The following ADK variants were observed in gnomAD, a reference collection of about 807,000 sequenced individuals.
ADK encodes N6,N6-dimethyladenosine kinase.
Under a neutral mutation model 44.7 loss-of-function variants are expected in ADK, and 24 were observed. The observed-to-expected ratio is 0.54, with a 90% CI of 0.39 to 0.76. The LOEUF (loss-of-function observed/expected upper bound fraction) is 0.76, where lower values mean the gene tolerates loss of function less well. Among genes scored for constraint, ADK ranks in the 30% least tolerant of loss-of-function variants. The probability of loss-of-function intolerance (pLI) is 0.00; values close to 1 mark genes in which losing one functional copy is unlikely to be tolerated. For missense variants in ADK, 321 were observed against 425.1 expected, an observed-to-expected ratio of 0.76 and a Z score of 2.15; for synonymous variants, 128 against 142.6, an observed-to-expected ratio of 0.90 and a Z score of 0.73.
At chr10:74,371,911 AC>A in intron 4 of ADK, 3 of 1,458,560 alleles carry the variant, frequency 2.1e-6, no homozygotes, top group African/African-American at 1.4e-5. Flanking sequence ...GTGGTTACTG[AC>A]CCCAGGGCTG....
At chr10:74,655,169 G>GGAAGAA (rs1190974257) in intron 9 of ADK, 16 of 308,404 alleles carry the variant, frequency 5.2e-5, no homozygotes, top group African/African-American at 3.6e-4. Context: ...AAGAACCCAA[G>GGAAGAA]GAAGAAGTAA....
At chr10:74,359,303 T>C (rs1438056277) in intron 4 of ADK, among the ~76,000 whole-genome samples, 3 of 152,182 alleles carry the variant, frequency 2.0e-5, no homozygotes, top group Non-Finnish European at 4.4e-5. Flanking sequence ...ATTTGGGGTC[T>C]TCTGTGGTTC....
intron 2 of ADK, among the ~76,000 whole-genome samples, chr10:74,217,571 A>G (rs1417804083): frequency 3.3e-5 from 5 of 152,214 alleles, no homozygotes; most frequent in African/African-American, 7.2e-5. Context: ...TGCCTCCTCA[A>G]GTGGGTCCCT....
chr10:74,481,868 T>C (rs1847086494), intron 6 of ADK, among the ~76,000 whole-genome samples: 1 of 152,206 alleles, frequency 6.6e-6, no homozygotes, highest in Non-Finnish European at 1.5e-5. Flanking sequence ...ATATGCCAGT[T>C]CAATTAATGG....
In ADK at chr10:74,535,916, G is replaced by A. The variant is rs1849434099; in HGVS notation, c.726+10490G>A. 2.6e-5 allele frequency among the ~76,000 whole-genome samples: 4 copies of A among 151,860 alleles called. No homozygotes were observed. The South Asian group carries it at 6.2e-4, about 24-fold the overall frequency. On this transcript the variant is annotated intron_variant, in intron 7 of 10. Coordinates refer to ENST00000539909, the MANE Select transcript of ADK (RefSeq NM_006721.4). Reference sequence around the variant, plus strand: ...CCTATTTTAAATATTAGCAAATGATGTATCTTTATATATTAAAATAAAATG... The same window carrying A: ...CCTATTTTAAATATTAGCAAATGATATATCTTTATATATTAAAATAAAATG...
At chr10:74,245,689 C>T (rs897212599) in intron 3 of ADK, among the ~76,000 whole-genome samples, 1 of 150,972 alleles carries the variant, frequency 6.6e-6, no homozygotes, top group African/African-American at 2.4e-5. Context: ...CTCCCAGGTT[C>T]AAGCAATTCT....
chr10:74,224,216 TG>T (rs1844435663), intron 2 of ADK, among the ~76,000 whole-genome samples: 1 of 152,244 alleles, frequency 6.6e-6, no homozygotes, highest in Non-Finnish European at 1.5e-5. Flanking sequence ...ATATTATTTG[TG>T]AAGTCCAAAA....
intron 9 of ADK, among the ~76,000 whole-genome samples, chr10:74,604,117 T>C (rs1034541112): frequency 7.9e-5 from 12 of 152,246 alleles, no homozygotes; most frequent in African/African-American, 2.9e-4. Flanking sequence ...TTTTTGTAAA[T>C]TTGTTTAAGT....
At chr10:74,577,531 T>C (rs1160474167) in intron 7 of ADK, among the ~76,000 whole-genome samples, 1 of 152,118 alleles carries the variant, frequency 6.6e-6, no homozygotes, top group East Asian at 1.9e-4. Context: ...TTTAGATGGG[T>C]TGTGCTATCC....
chr10:74,692,509 A>G (rs1221608463), intron 10 of ADK, among the ~76,000 whole-genome samples: 1 of 152,106 alleles, frequency 6.6e-6, no homozygotes, highest in Non-Finnish European at 1.5e-5. Context: ...AAGGAAAGAA[A>G]TGAGCTATTA....
chr10:74,489,325 A>G (rs1847384383), intron 6 of ADK, among the ~76,000 whole-genome samples: 2 of 151,974 alleles, frequency 1.3e-5, no homozygotes, highest in African/African-American at 2.4e-5. Flanking sequence ...AATACTATCT[A>G]GAGAAATTCA....
intron 4 of ADK, among the ~76,000 whole-genome samples, chr10:74,329,300 T>C (rs1056567129): frequency 1.3e-5 from 2 of 152,170 alleles, no homozygotes; most frequent in South Asian, 2.1e-4. Context: ...ATAGTCTAGA[T>C]TGTAACATAC....
chr10:74,477,255 A>G (rs926963581), intron 6 of ADK, among the ~76,000 whole-genome samples: 6 of 152,140 alleles, frequency 3.9e-5, no homozygotes, highest in African/African-American at 1.4e-4. Flanking sequence ...CCTAGGCTGG[A>G]GTACAGTGGC....
chr10:74,329,520 C>A (rs79701836), intron 4 of ADK, among the ~76,000 whole-genome samples: 2,906 of 152,240 alleles, frequency 0.019, 71 homozygotes, highest in African/African-American at 0.056. Flanking sequence ...ATCTATTAAC[C>A]AGAATTTTCA....
At chr10:74,293,498 T>C (rs1839700802) in intron 3 of ADK, among the ~76,000 whole-genome samples, 1 of 152,108 alleles carries the variant, frequency 6.6e-6, no homozygotes, top group Non-Finnish European at 1.5e-5. Flanking sequence ...TCTTAACTTG[T>C]TATTGAACTA....
intron 3 of ADK, among the ~76,000 whole-genome samples, chr10:74,296,973 A>G (rs548662443): frequency 3.3e-5 from 5 of 152,252 alleles, no homozygotes; most frequent in South Asian, 2.1e-4. Flanking sequence ...CATATTACCT[A>G]TAAAAGCCAA....
At chr10:74,410,281 T>C (rs992805257) in intron 6 of ADK, among the ~76,000 whole-genome samples, 1 of 152,158 alleles carries the variant, frequency 6.6e-6, no homozygotes, top group Admixed American at 6.5e-5. Flanking sequence ...TTCTTTGCTC[T>C]GTCATGAAAA....
At chr10:74,689,061 A>G (rs1855891505) in intron 10 of ADK, among the ~76,000 whole-genome samples, 2 of 152,154 alleles carry the variant, frequency 1.3e-5, no homozygotes, top group Admixed American at 1.3e-4. Context: ...CATCCTGGCT[A>G]ACATGGTGAA....
chr10:74,651,316 A>C (rs1362103723), intron 9 of ADK, among the ~76,000 whole-genome samples: 1 of 152,166 alleles, frequency 6.6e-6, no homozygotes, highest in African/African-American at 2.4e-5. Flanking sequence ...CAAACATAGG[A>C]AGAATGTTTC....
Sources: gnomAD v4.1 joint callset for allele counts (sites outside exome capture counted in the v4.1 genomes callset) on GRCh38, gnomAD v4.1.1 for gene constraint, MANE v1.5 for transcripts, NCBI Gene and HGNC (gene_info 2026-07-23, HGNC 2026-07-21) for gene names.